Variants in PDE1A observed in about 807,000 individuals in gnomAD.
PDE1A encodes the protein dual specificity calcium/calmodulin-dependent 3',5'-cyclic nucleotide phosphodiesterase 1A.
In PDE1A, 35 loss-of-function variants were observed where a neutral mutation model predicts 61.7. The observed-to-expected ratio is 0.57, with a 90% CI of 0.43 to 0.75. The LOEUF (loss-of-function observed/expected upper bound fraction) is 0.75, where lower values mean the gene tolerates loss of function less well. Among genes scored for constraint, PDE1A ranks in the 30% least tolerant of loss-of-function variants. The pLI, the probability that PDE1A is intolerant of heterozygous loss-of-function variation, is 0.00. For missense variants in PDE1A, 597 were observed against 630.6 expected, an observed-to-expected ratio of 0.95 and a Z score of 0.57; for synonymous variants, 232 against 213.2, an observed-to-expected ratio of 1.09 and a Z score of -0.77.
At chr2:182,174,273 C>G (rs1265035445) in intron 13 of PDE1A, among the ~76,000 whole-genome samples, 1 of 152,080 alleles carries the variant, frequency 6.6e-6, no homozygotes, top group Non-Finnish European at 1.5e-5. Flanking sequence ...GGGAATGGAG[C>G]CTGAAGCCAT....
intron 1 of PDE1A, among the ~76,000 whole-genome samples, chr2:182,332,328 C>T (rs1697469068): frequency 6.6e-6 from 1 of 152,120 alleles, no homozygotes; most frequent in Non-Finnish European, 1.5e-5. Flanking sequence ...TTTGTTATTA[C>T]CCTCTTTCTG....
the PDE1A span, among the ~76,000 whole-genome samples, chr2:182,661,865 A>C: frequency 6.6e-6 from 1 of 152,118 alleles, no homozygotes. Context: ...ACATTGTAAG[A>C]CTTTACGGAA....
intron 7 of PDE1A, 124 bp from the exon 8 acceptor site, chr2:182,206,189 A>T: frequency 1.7e-6 from 1 of 586,732 alleles, no homozygotes; most frequent in Non-Finnish European, 2.8e-6. Flanking sequence ...AGTGAGAATT[A>T]TGGAAGTACT....
chr2:182,622,335 A>G, the PDE1A span, among the ~76,000 whole-genome samples: 1,226 of 152,328 alleles, frequency 8.0e-3, 10 homozygotes, highest in Middle Eastern at 0.037. Flanking sequence ...GTATATTTTT[A>G]AAAACTACTC....
intron 1 of PDE1A, among the ~76,000 whole-genome samples, chr2:182,366,712 C>T (rs1574465601): frequency 6.6e-6 from 1 of 152,002 alleles, no homozygotes; most frequent in East Asian, 1.9e-4. Flanking sequence ...TTTAATAGAA[C>T]ATCATTTCCT....
chr2:182,307,858 C>T (rs998165393), intron 1 of PDE1A, among the ~76,000 whole-genome samples: 3 of 151,934 alleles, frequency 2.0e-5, no homozygotes, highest in Admixed American at 6.6e-5. Context: ...TGTCTAAAGA[C>T]AAAAACAAAA....
chr2:182,446,690 C>T (rs1685158624), intron 2 of PDE1A, among the ~76,000 whole-genome samples: 1 of 151,992 alleles, frequency 6.6e-6, no homozygotes, highest in African/African-American at 2.4e-5. Context: ...CACATGTGGA[C>T]TGTTGAGTTC....
At chr2:182,154,634 C>T (rs546018234) in intron 13 of PDE1A, among the ~76,000 whole-genome samples, 25 of 152,280 alleles carry the variant, frequency 1.6e-4, no homozygotes, top group Admixed American at 1.4e-3. Flanking sequence ...TGCCTGCCGC[C>T]ATGTAAGCCA....
upstream of PDE1A, among the ~76,000 whole-genome samples, chr2:182,527,303 TA>T (rs869281717): frequency 0.011 from 241 of 22,738 alleles, 1 homozygote; most frequent in Middle Eastern, 0.026. Flanking sequence ...CCTTTCTCTA[TA>T]AAAAAAAAAA....
chr2:182,198,124 G>T (rs1269368822), intron 10 of PDE1A, among the ~76,000 whole-genome samples: 2 of 151,650 alleles, frequency 1.3e-5, no homozygotes, highest in Non-Finnish European at 3.0e-5. Flanking sequence ...TTTAATTAAA[G>T]GTTTCCCCCA....
At chr2:182,316,112 C>T (rs1211123390) in intron 1 of PDE1A, among the ~76,000 whole-genome samples, 1 of 152,170 alleles carries the variant, frequency 6.6e-6, no homozygotes, top group Non-Finnish European at 1.5e-5. Flanking sequence ...TAAGCAGATG[C>T]ATCCAGGAGT....
the PDE1A span, among the ~76,000 whole-genome samples, chr2:182,575,674 C>T: frequency 2.7e-5 from 4 of 148,030 alleles, no homozygotes; most frequent in East Asian, 2.0e-4. Flanking sequence ...AGGGGAGGAA[C>T]GCTGCCACCA....
intron 2 of PDE1A, chr2:182,241,912 C>T: frequency 1.3e-6 from 2 of 1,530,624 alleles, no homozygotes; most frequent in South Asian, 2.4e-5. Context: ...TCTTTTTGCC[C>T]ATTTGAAATT....
At chr2:182,433,645 G>T (rs1266809132) in intron 2 of PDE1A, among the ~76,000 whole-genome samples, 3 of 152,058 alleles carry the variant, frequency 2.0e-5, no homozygotes, top group Non-Finnish European at 2.9e-5. Context: ...CATCAAAATG[G>T]AAGATAGACA....
the PDE1A span, among the ~76,000 whole-genome samples, chr2:182,616,698 T>A: frequency 2.0e-5 from 3 of 152,232 alleles, no homozygotes; most frequent in Admixed American, 2.0e-4. Context: ...TCCCAGCTAC[T>A]TCATGAAGTG....
the PDE1A span, among the ~76,000 whole-genome samples, chr2:182,667,767 A>G: frequency 7.4e-6 from 1 of 134,404 alleles, no homozygotes; most frequent in South Asian, 2.1e-4. Context: ...TGGAAAAGAC[A>G]GAACAATGTC....
At chr2:182,447,341 G>T (rs1224813188) in intron 2 of PDE1A, among the ~76,000 whole-genome samples, 1 of 151,974 alleles carries the variant, frequency 6.6e-6, no homozygotes, top group African/African-American at 2.4e-5. Context: ...TCTACTGAGA[G>T]ATTTTCCAGA....
the PDE1A span, among the ~76,000 whole-genome samples, chr2:182,693,229 C>T: frequency 2.6e-5 from 4 of 151,980 alleles, no homozygotes; most frequent in Admixed American, 2.6e-4. Context: ...TCTATATTAC[C>T]CAACTTCAAC....
At chr2:182,383,458 T>C (rs746404076) in intron 1 of PDE1A, among the ~76,000 whole-genome samples, 2 of 152,180 alleles carry the variant, frequency 1.3e-5, no homozygotes, top group African/African-American at 4.8e-5. Context: ...TATGACAGTT[T>C]ATCTGAATAT....
Sources: gnomAD v4.1 joint callset for allele counts (sites outside exome capture counted in the v4.1 genomes callset) on GRCh38, gnomAD v4.1.1 for gene constraint, MANE v1.5 for transcripts, NCBI Gene and HGNC (gene_info 2026-07-23, HGNC 2026-07-21) for gene names.